CENPP: variants seen among roughly 807,000 people sequenced by gnomAD.
CENPP encodes centromere protein P.
A neutral mutation model predicts 35.6 loss-of-function variants in CENPP; 24 were observed. The ratio of observed to expected loss-of-function variants is 0.67; its 90% CI spans 0.49 to 0.95. The LOEUF is 0.95. Among genes scored for constraint, CENPP ranks in the 40% least tolerant of loss-of-function variants. CENPP has a pLI of 0.00. For synonymous variants in CENPP, 120 were observed against 125.5 expected (o/e 0.96, Z 0.29); for missense variants, 332 against 345.3 (o/e 0.96, Z 0.31).
At chr9:92,352,017 C>A (rs994662213) in intron 4 of CENPP, among the ~76,000 whole-genome samples, 1 of 140,820 alleles carries the variant, frequency 7.1e-6, no homozygotes, top group African/African-American at 2.6e-5. Flanking sequence ...TTTTCTTTTT[C>A]TTTTCCTTTT....
intron 5 of CENPP, chr9:92,502,596 A>G: frequency 2.5e-6 from 4 of 1,608,922 alleles, no homozygotes; most frequent in Non-Finnish European, 3.4e-6. Context: ...TCTTTCTGGT[A>G]TGATTGAAAC....
intron 5 of CENPP, chr9:92,457,238 G>A: frequency 1.3e-6 from 2 of 1,590,510 alleles, no homozygotes; most frequent in Non-Finnish European, 1.7e-6. Context: ...TATTCCAAAT[G>A]TAGGGATTTT....
intron 5 of CENPP, among the ~76,000 whole-genome samples, chr9:92,421,863 A>G (rs565766850): frequency 6.6e-6 from 1 of 152,266 alleles, no homozygotes; most frequent in East Asian, 1.9e-4. Flanking sequence ...GAGATAGGCA[A>G]TGCTGTGGGG....
intron 5 of CENPP, among the ~76,000 whole-genome samples, chr9:92,422,041 TATAAC>T (rs905292901): frequency 1.9e-4 from 29 of 152,006 alleles, no homozygotes; most frequent in African/African-American, 2.2e-4. Flanking sequence ...CTTATTATAG[TATAAC>T]ATATTAACTT....
chr9:92,506,163 A>G (rs1232086378), intron 5 of CENPP, among the ~76,000 whole-genome samples: 1 of 152,222 alleles, frequency 6.6e-6, no homozygotes, highest in African/African-American at 2.4e-5. Flanking sequence ...GTTTAATGCA[A>G]TGAATGATTT....
intron 5 of CENPP, among the ~76,000 whole-genome samples, chr9:92,605,957 C>A (rs943273621): frequency 2.0e-5 from 3 of 151,922 alleles, no homozygotes; most frequent in Non-Finnish European, 4.4e-5. Flanking sequence ...TAAAAGATAA[C>A]CCAATTTAAA....
chr9:92,522,615 T>G, intron 5 of CENPP: 1 of 1,613,772 alleles, frequency 6.2e-7, no homozygotes, highest in Non-Finnish European at 8.5e-7. Flanking sequence ...CAGGAAAACT[T>G]GAAAAGGATT....
Position 92,613,027 on chromosome 9 carries a change from C to G in CENPP, c.745C>G (p.Leu249Val), listed in dbSNP as rs1851314966. 2.5e-6 allele frequency: 4 copies of G among 1,613,988 alleles called. No homozygotes were observed. Among genetic ancestry groups the G allele is most frequent in the South Asian group, 1.1e-5 (1 of 91,072 alleles). The change falls in exon 8 of 8, where the codon CTG (leucine) becomes GTG (valine). Residue 249 changes from leucine to valine, a missense_variant. Leu to Val is a conservative substitution (Grantham distance 32, BLOSUM62 1). Transcript: ENST00000375587. ...TAATGTTTTCTTTATAGCCCTGGAGCTGGACAAGAACAGAGCCATAGAAAC... is the reference window on the plus strand; with the variant it reads ...TAATGTTTTCTTTATAGCCCTGGAGGTGGACAAGAACAGAGCCATAGAAAC... ...LTKVPQRALE[L>V]DKNRAIETAP...
At chr9:92,394,765 C>T (rs1289650140) in intron 5 of CENPP, among the ~76,000 whole-genome samples, 3 of 150,460 alleles carry the variant, frequency 2.0e-5, no homozygotes, top group Non-Finnish European at 3.0e-5. Flanking sequence ...CCACCATGTC[C>T]GGCTAATTTT....
At chr9:92,516,578 A>G (rs1847738608) in intron 5 of CENPP, 1 of 152,226 alleles carries the variant, frequency 6.6e-6, no homozygotes, top group South Asian at 2.1e-4. Flanking sequence ...GGAAAAAGTT[A>G]GTAAAAGGAA....
intron 5 of CENPP, among the ~76,000 whole-genome samples, chr9:92,492,926 C>T (rs910858609): frequency 2.6e-5 from 4 of 152,166 alleles, no homozygotes; most frequent in African/African-American, 7.2e-5. Context: ...AGAAGCTTGT[C>T]GACTAGCCAT....
At chr9:92,478,069 C>T (rs1216354617) in intron 5 of CENPP, among the ~76,000 whole-genome samples, 1 of 152,088 alleles carries the variant, frequency 6.6e-6, no homozygotes, top group African/African-American at 2.4e-5. Context: ...ATAGAATGTA[C>T]AAACCTGGTA....
chr9:92,491,218 C>G (rs1282173836), intron 5 of CENPP, among the ~76,000 whole-genome samples: 4 of 152,096 alleles, frequency 2.6e-5, no homozygotes, highest in Admixed American at 1.3e-4. Context: ...TTATGTAGGA[C>G]CTAACTAATA....
At chr9:92,503,716 C>T (rs1846824085) in intron 5 of CENPP, among the ~76,000 whole-genome samples, 1 of 152,080 alleles carries the variant, frequency 6.6e-6, no homozygotes, top group South Asian at 2.1e-4. Context: ...TGAGAATTTC[C>T]CTCTTTGTTA....
chr9:92,394,646 C>G (rs995371465), intron 5 of CENPP, among the ~76,000 whole-genome samples: 3 of 150,960 alleles, frequency 2.0e-5, no homozygotes, highest in African/African-American at 7.3e-5. Flanking sequence ...GCTTCGTCAC[C>G]CAGGTTGGAG....
chr9:92,400,395 C>G (rs188845385), intron 5 of CENPP, among the ~76,000 whole-genome samples: 1 of 152,118 alleles, frequency 6.6e-6, no homozygotes, highest in Non-Finnish European at 1.5e-5. Context: ...GTGATCCACC[C>G]GCCTCAGCCT....
chr9:92,401,320 A>G lies in CENPP; in HGVS notation c.564+21461A>G, dbSNP rs142302539. 250 of 509,976 alleles carry G rather than the reference A, an allele frequency of 4.9e-4. 2 individuals carry two copies. In the East Asian group the frequency reaches 7.7e-3, roughly 16 times the overall value. The allele number at this position is 509,976 out of a possible 1,614,324, so 31.6% of individuals were successfully genotyped here. On this transcript the variant is annotated intron_variant, in intron 5 of 7. Transcript: ENST00000375587. ...TGTGCTCCATTAGGCTTTCATACATATTTCCATTTTATCATCTATTAAATT... is the reference window on the plus strand; with the variant it reads ...TGTGCTCCATTAGGCTTTCATACATGTTTCCATTTTATCATCTATTAAATT...
chr9:92,466,668 A>C, intron 5 of CENPP: 1 of 1,109,080 alleles, frequency 9.0e-7, no homozygotes, highest in South Asian at 1.5e-5. Context: ...AGTACAATTT[A>C]TATCAGTGGT....
chr9:92,514,745 G>C (rs756258771), intron 5 of CENPP: 1 of 1,614,184 alleles, frequency 6.2e-7, no homozygotes, highest in East Asian at 2.2e-5. Flanking sequence ...GGCAGGCGCA[G>C]TGTGCCTCTG....
Sources: gnomAD v4.1 joint callset for allele counts (sites outside exome capture counted in the v4.1 genomes callset) on GRCh38, gnomAD v4.1.1 for gene constraint, MANE v1.5 for transcripts, NCBI Gene and HGNC (gene_info 2026-07-23, HGNC 2026-07-21) for gene names.